PTBP3: variants seen among roughly 807,000 people sequenced by gnomAD.
PTBP3 encodes the protein polypyrimidine tract-binding protein 3.
In PTBP3, 20 loss-of-function variants were observed where a neutral mutation model predicts 58.7. That is an observed-to-expected ratio of 0.34 (90% CI 0.24 to 0.50). The LOEUF is 0.50. Ranked by LOEUF, PTBP3 falls within the 20% of genes least tolerant of loss-of-function variation. The pLI, the probability that PTBP3 is intolerant of heterozygous loss-of-function variation, is 0.98. For synonymous variants in PTBP3, 185 were observed against 219.8 expected (o/e 0.84, Z 1.40); for missense variants, 509 against 637.2 (o/e 0.80, Z 2.17).
intron 2 of PTBP3, among the ~76,000 whole-genome samples, chr9:112,292,265 T>A (rs1350917051): frequency 6.6e-6 from 1 of 152,004 alleles, no homozygotes; most frequent in Non-Finnish European, 1.5e-5. Flanking sequence ...TTTGAAAAAA[T>A]TTAAAACCCA....
chr9:112,331,082 AAC>A (rs10660591), intron 1 of PTBP3, among the ~76,000 whole-genome samples: 10,847 of 139,360 alleles, frequency 0.078, 465 homozygotes, highest in African/African-American at 0.13. Flanking sequence ...GGAGGAAACG[AAC>A]ACACACACAC....
At chr9:112,279,786 T>C (rs1016465824) in intron 2 of PTBP3, among the ~76,000 whole-genome samples, 2 of 152,218 alleles carry the variant, frequency 1.3e-5, no homozygotes, top group Non-Finnish European at 2.9e-5. Flanking sequence ...TCATGACATT[T>C]CTGCATTTAT....
chr9:112,363,765 G>C, the PTBP3 span, among the ~76,000 whole-genome samples: 1 of 152,076 alleles, frequency 6.6e-6, no homozygotes, highest in Non-Finnish European at 1.5e-5. Flanking sequence ...AAAGTACTGA[G>C]AGTTTCCACA....
At chr9:112,339,404 C>A in the PTBP3 span, among the ~76,000 whole-genome samples, 2 of 150,814 alleles carry the variant, frequency 1.3e-5, no homozygotes, top group South Asian at 2.1e-4. Flanking sequence ...AAATTGACTT[C>A]TTTTTGTCCT....
At chr9:112,334,026 A>T (rs7024744), upstream of PTBP3, among the ~76,000 whole-genome samples, 127,444 of 151,504 alleles carry the variant, frequency 0.84, 53,912 homozygotes, top group African/African-American at 0.93. Flanking sequence ...AGGAAAAGCT[A>T]TGGGGACCTG....
chr9:112,312,380 C>T (rs961789643), intron 1 of PTBP3, among the ~76,000 whole-genome samples: 2 of 151,694 alleles, frequency 1.3e-5, no homozygotes, highest in Non-Finnish European at 1.5e-5. Flanking sequence ...GCCTGTGGTC[C>T]CCAGCTGTTC....
chr9:112,296,396 T>C (rs1215772788), intron 2 of PTBP3, among the ~76,000 whole-genome samples: 1 of 152,104 alleles, frequency 6.6e-6, no homozygotes, highest in Non-Finnish European at 1.5e-5. Flanking sequence ...AATAGTTACA[T>C]TAAAATAAGC....
At chr9:112,227,958 T>C (rs1394605693) in intron 11 of PTBP3, among the ~76,000 whole-genome samples, 1 of 152,180 alleles carries the variant, frequency 6.6e-6, no homozygotes, top group Admixed American at 6.5e-5. Flanking sequence ...ATAAGAAATT[T>C]TGAGTAATAC....
chr9:112,230,963 T>TC (rs547407546), intron 10 of PTBP3, among the ~76,000 whole-genome samples: 1 of 151,284 alleles, frequency 6.6e-6, no homozygotes, highest in African/African-American at 2.5e-5. Flanking sequence ...ATTTTGACCC[T>TC]ACGCAGCTGT....
chr9:112,304,164 C>A (rs763073904), intron 1 of PTBP3, among the ~76,000 whole-genome samples: 5 of 151,698 alleles, frequency 3.3e-5, no homozygotes, highest in Non-Finnish European at 7.4e-5. Context: ...CAGACTCTGT[C>A]TTAGGAGGAA....
chr9:112,356,234 G>A, the PTBP3 span, among the ~76,000 whole-genome samples: 17 of 152,082 alleles, frequency 1.1e-4, no homozygotes, highest in East Asian at 1.7e-3. Flanking sequence ...CCGCCTCGGC[G>A]TCCCAAAGTA....
chr9:112,333,391 C>T (rs1830465484), intron 1 of PTBP3, 79 bp downstream of exon 1: 1 of 1,513,544 alleles, frequency 6.6e-7, no homozygotes, highest in South Asian at 1.2e-5. Flanking sequence ...GCTCCCCAGC[C>T]CTTACGCGTC....
intron 1 of PTBP3, among the ~76,000 whole-genome samples, chr9:112,328,237 T>A (rs550542453): frequency 1.3e-5 from 2 of 152,358 alleles, no homozygotes; most frequent in Admixed American, 1.3e-4. Context: ...TCACACGATC[T>A]AGATGAATTA....
chr9:112,341,375 G>T, the PTBP3 span, among the ~76,000 whole-genome samples: 1 of 151,988 alleles, frequency 6.6e-6, no homozygotes, highest in Non-Finnish European at 1.5e-5. Flanking sequence ...CCAGTGATCC[G>T]CCTGCCTCGG....
intron 8 of PTBP3, among the ~76,000 whole-genome samples, chr9:112,232,970 T>C (rs1835301430): frequency 6.6e-6 from 1 of 152,148 alleles, no homozygotes; most frequent in Non-Finnish European, 1.5e-5. Flanking sequence ...CTTAATTTAA[T>C]GACTCTTTAA....
the PTBP3 span, among the ~76,000 whole-genome samples, chr9:112,357,685 A>G: frequency 6.6e-6 from 1 of 151,838 alleles, no homozygotes; most frequent in Admixed American, 6.6e-5. Flanking sequence ...TTTTTTTTCT[A>G]TACAGGAACC....
intron 1 of PTBP3, 32 bp downstream of exon 1, chr9:112,333,438 C>T (rs931481012): frequency 2.5e-6 from 4 of 1,570,152 alleles, no homozygotes; most frequent in Non-Finnish European, 3.5e-6. Context: ...CCAAGGCAAC[C>T]CGGTGCGGCC....
the PTBP3 span, among the ~76,000 whole-genome samples, chr9:112,361,108 T>A: frequency 9.9e-5 from 15 of 152,028 alleles, no homozygotes; most frequent in African/African-American, 3.6e-4. Context: ...TTATTTTTTG[T>A]TTTTTTGAGA....
At position 112,221,166 on chromosome 9, in the gene PTBP3, AAATCTT is replaced by A; in HGVS notation, c.*2679_*2684del. On this transcript the variant is annotated 3_prime_UTR_variant, in exon 14 of 14. Transcript: ENST00000374257. ...TAAAACAAGAACATCCCACATCTCCAAATCTTAATTTGGTTAATTTTGTCAATAAAT... is the reference window on the plus strand; with the variant it reads ...TAAAACAAGAACATCCCACATCTCCAAATTTGGTTAATTTTGTCAATAAAT... The A allele has an allele frequency of 1.0e-6, 1 of 985,758 alleles. No homozygotes were observed. Among genetic ancestry groups the A allele is most frequent in the African/African-American group, 1.7e-5 (1 of 57,362 alleles). The allele number at this position is 985,758 out of a possible 1,614,324, so 61.1% of individuals were successfully genotyped here. A position where few individuals can be genotyped will look rare whatever the true frequency, so the allele number is the denominator to read the frequency against.
Sources: allele counts gnomAD v4.1 joint callset (sites outside exome capture counted in the v4.1 genomes callset), GRCh38; gene constraint gnomAD v4.1.1; transcripts MANE v1.5; gene names NCBI Gene and HGNC (gene_info 2026-07-23, HGNC 2026-07-21).